The following SPAG16 variants were observed in gnomAD, a reference collection of about 807,000 sequenced individuals.
SPAG16 encodes the protein sperm-associated antigen 16 protein.
In SPAG16, 86 loss-of-function variants were observed where a neutral mutation model predicts 80.4. The observed-to-expected ratio is 1.07, with a 90% CI of 0.90 to 1.28. The LOEUF (loss-of-function observed/expected upper bound fraction) is 1.28, where lower values mean the gene tolerates loss of function less well. SPAG16 is among the 50% of genes most tolerant of loss of function. The pLI is 0.00. For missense variants in SPAG16, 870 were observed against 765.3 expected, an observed-to-expected ratio of 1.14 and a Z score of -1.61; for synonymous variants, 294 against 265.9, an observed-to-expected ratio of 1.11 and a Z score of -1.03.
At chr2:214,365,549 T>C (rs1559245760) in intron 15 of SPAG16, among the ~76,000 whole-genome samples, 1 of 152,156 alleles carries the variant, frequency 6.6e-6, no homozygotes, top group African/African-American at 2.4e-5. Flanking sequence ...GGATTATTTT[T>C]ATATAATATG....
intron 10 of SPAG16, among the ~76,000 whole-genome samples, chr2:213,694,494 T>C (rs565302589): frequency 6.6e-6 from 1 of 152,312 alleles, no homozygotes; most frequent in African/African-American, 2.4e-5. Flanking sequence ...TACGTGGAAA[T>C]GTGGTATAGC....
intron 12 of SPAG16, among the ~76,000 whole-genome samples, chr2:214,010,670 C>T (rs1245046560): frequency 1.4e-5 from 2 of 146,316 alleles, no homozygotes; most frequent in Non-Finnish European, 1.5e-5. Flanking sequence ...TTATAACCAG[C>T]GAAACTGCTG....
At chr2:213,896,592 G>GCGCGCACACACA (rs57025359) in intron 11 of SPAG16, among the ~76,000 whole-genome samples, 2 of 111,878 alleles carry the variant, frequency 1.8e-5, no homozygotes, top group East Asian at 5.5e-4. Context: ...ACACACACAC[G>GCGCGCACACACA]CACACACACA....
intron 12 of SPAG16, among the ~76,000 whole-genome samples, chr2:213,947,914 T>G (rs976277169): frequency 2.0e-5 from 3 of 152,158 alleles, no homozygotes; most frequent in African/African-American, 7.2e-5. Flanking sequence ...CAAAATTGTT[T>G]TGACTGTTCT....
At chr2:214,378,810 CTG>C (rs1330594982) in intron 15 of SPAG16, among the ~76,000 whole-genome samples, 4 of 152,350 alleles carry the variant, frequency 2.6e-5, no homozygotes, top group Non-Finnish European at 5.9e-5. Context: ...TGCAGGGACA[CTG>C]TGCCCTCAGT....
intron 13 of SPAG16, among the ~76,000 whole-genome samples, chr2:214,055,859 A>T (rs2049910787): frequency 6.6e-6 from 1 of 152,204 alleles, no homozygotes; most frequent in Admixed American, 6.5e-5. Context: ...TGAGAAATTG[A>T]AGGGAAATAA....
intron 13 of SPAG16, among the ~76,000 whole-genome samples, chr2:214,103,918 T>C (rs531074553): frequency 6.9e-6 from 1 of 145,916 alleles, no homozygotes; most frequent in African/African-American, 2.6e-5. Context: ...CTCTGGGGAG[T>C]GGGGGTTGGA....
At chr2:214,265,749 A>G (rs1023494233) in intron 15 of SPAG16, among the ~76,000 whole-genome samples, 9 of 151,976 alleles carry the variant, frequency 5.9e-5, no homozygotes, top group Admixed American at 5.2e-4. Flanking sequence ...ATTTAGGTAT[A>G]TAATTCATTT....
chr2:213,422,375 G>GC, intron 9 of SPAG16: 1 of 673,192 alleles, frequency 1.5e-6, no homozygotes, highest in East Asian at 2.7e-5. Flanking sequence ...GGAGCTGCCT[G>GC]CCCCACTGCA....
At chr2:213,936,038 A>T (rs1487650755) in intron 12 of SPAG16, among the ~76,000 whole-genome samples, 2 of 152,084 alleles carry the variant, frequency 1.3e-5, no homozygotes, top group Non-Finnish European at 2.9e-5. Context: ...AGGCATTGGA[A>T]AGGGTTGCAA....
chr2:214,083,154 C>G (rs572437923), intron 13 of SPAG16, among the ~76,000 whole-genome samples: 1 of 152,260 alleles, frequency 6.6e-6, no homozygotes, highest in South Asian at 2.1e-4. Flanking sequence ...AGGGTTTATT[C>G]TGAATTTGTC....
intron 5 of SPAG16, among the ~76,000 whole-genome samples, chr2:213,334,026 G>A (rs909214892): frequency 2.6e-5 from 4 of 152,060 alleles, no homozygotes; most frequent in Non-Finnish European, 5.9e-5. Context: ...ACAAAGTGAA[G>A]AGACAAACCC....
intron 13 of SPAG16, among the ~76,000 whole-genome samples, chr2:214,082,437 T>C (rs1463034236): frequency 6.6e-6 from 1 of 152,228 alleles, no homozygotes; most frequent in South Asian, 2.1e-4. Context: ...AATACTACTT[T>C]AGTTATACTG....
intron 10 of SPAG16, among the ~76,000 whole-genome samples, chr2:213,711,004 A>C (rs1426849305): frequency 6.6e-6 from 1 of 152,136 alleles, no homozygotes; most frequent in Non-Finnish European, 1.5e-5. Flanking sequence ...AACAACGAAA[A>C]CCTATAGCAA....
intron 10 of SPAG16, among the ~76,000 whole-genome samples, chr2:213,804,562 A>T (rs1559482681): frequency 6.6e-6 from 1 of 152,186 alleles, no homozygotes; most frequent in African/African-American, 2.4e-5. Flanking sequence ...AGGCGCCTGT[A>T]GTCCCAGCTA....
intron 13 of SPAG16, among the ~76,000 whole-genome samples, chr2:214,041,980 A>ATGTG (rs1559725800): frequency 4.9e-5 from 5 of 101,798 alleles, no homozygotes; most frequent in Non-Finnish European, 8.0e-5. Context: ...CTGTGTGTGT[A>ATGTG]TATATATATA....
At chr2:213,458,698 T>C (rs955171388) in intron 9 of SPAG16, among the ~76,000 whole-genome samples, 11 of 152,252 alleles carry the variant, frequency 7.2e-5, no homozygotes, top group South Asian at 6.2e-4. Context: ...TGTATATTGG[T>C]AAATATTTTC....
intron 10 of SPAG16, among the ~76,000 whole-genome samples, chr2:213,622,053 A>G (rs1327922883): frequency 1.3e-5 from 2 of 152,220 alleles, no homozygotes; most frequent in East Asian, 1.9e-4. Context: ...ATTTTCAAAT[A>G]TAAACCATCT....
At chr2:213,836,498 G>T (rs541187134) in intron 10 of SPAG16, among the ~76,000 whole-genome samples, 3 of 151,962 alleles carry the variant, frequency 2.0e-5, no homozygotes, top group Non-Finnish European at 4.4e-5. Flanking sequence ...CTTTTTATTA[G>T]TCTTTTATGG....
Sources: allele counts gnomAD v4.1 joint callset (sites outside exome capture counted in the v4.1 genomes callset), GRCh38; gene constraint gnomAD v4.1.1; transcripts MANE v1.5; gene names NCBI Gene and HGNC (gene_info 2026-07-23, HGNC 2026-07-21).